MFSD11: variants seen among roughly 807,000 people sequenced by gnomAD.
MFSD11 encodes major facilitator superfamily domain containing 11.
In MFSD11, 36 loss-of-function variants were observed where a neutral mutation model predicts 53.5. That is an observed-to-expected ratio of 0.67 (90% CI 0.52 to 0.89). The LOEUF (loss-of-function observed/expected upper bound fraction) is 0.89. Ranked by LOEUF, MFSD11 falls within the 40% of genes least tolerant of loss-of-function variation. The pLI is 0.00. For missense variants in MFSD11, 530 were observed against 543.9 expected (o/e 0.97, Z 0.25); for synonymous variants, 186 against 184.9 (o/e 1.01, Z -0.05).
chr17:76,739,745 T>C (rs188061146), intron 2 of MFSD11, among the ~76,000 whole-genome samples: 1 of 152,300 alleles, frequency 6.6e-6, no homozygotes, highest in African/African-American at 2.4e-5. Flanking sequence ...CCATAACTCA[T>C]ACTTGGTTCT....
chr17:76,792,659 C>T, the MFSD11 span, among the ~76,000 whole-genome samples: 25 of 151,332 alleles, frequency 1.7e-4, no homozygotes, highest in East Asian at 1.9e-4. Flanking sequence ...TCCATGGTAA[C>T]GGGGAATTGA....
intron 11 of MFSD11, among the ~76,000 whole-genome samples, chr17:76,775,641 C>G (rs916571116): frequency 2.6e-5 from 4 of 152,142 alleles, no homozygotes; most frequent in Non-Finnish European, 5.9e-5. Context: ...CTCCACAAAT[C>G]CAAGGGGAGC....
chr17:76,748,651 A>C (rs1455383583), intron 7 of MFSD11, among the ~76,000 whole-genome samples: 2 of 151,580 alleles, frequency 1.3e-5, no homozygotes, highest in Non-Finnish European at 2.9e-5. Context: ...ACGCCGCTGC[A>C]CTCCAGCATG....
At chr17:76,799,600 C>T in the MFSD11 span, 1 of 152,270 alleles carries the variant, frequency 6.6e-6, no homozygotes, top group African/African-American at 2.4e-5. Flanking sequence ...ACTGGGTTTC[C>T]TGACCTCAAG....
At position 76,738,389 on chromosome 17, in the gene MFSD11, A is replaced by G; in HGVS notation, c.37A>G (p.Ile13Val). 2 of 1,614,168 alleles carry G rather than the reference A, an allele frequency of 1.2e-6. No homozygotes were observed. Among genetic ancestry groups the G allele is most frequent in the Non-Finnish European group, 1.7e-6 (2 of 1,180,030 alleles). ...PESKKLFNIIILGVAFMFMFT... is the reference protein window; with the variant it reads ...PESKKLFNIIVLGVAFMFMFT... The stretch of plus-strand genomic sequence containing the variant: ...ATCTAAAAAGCTTTTCAACATCATT[A>G]TTTTAGGAGTTGCCTTTATGTTTAT... Residue 13 changes from isoleucine to valine, a missense_variant, in exon 1 of 13, where the codon ATT becomes GTT. Physicochemically the swap from Ile to Val is conservative, Grantham distance 29. Coordinates refer to ENST00000685175, the MANE Select transcript of MFSD11 (RefSeq NM_001242532.5).
At chr17:76,788,546 A>G in the MFSD11 span, among the ~76,000 whole-genome samples, 1 of 148,898 alleles carries the variant, frequency 6.7e-6, no homozygotes, top group Non-Finnish European at 1.5e-5. Context: ...TTGTATTTTT[A>G]GTAGAGACGG....
In MFSD11 at chr17:76,765,452, CTTTTTTTTTTTTTTTTT is replaced by C. The variant is rs59878271; in HGVS notation, c.683-1922_683-1906del. 2.1e-3 allele frequency among the ~76,000 whole-genome samples: 188 copies of C among 91,500 alleles called. No homozygotes were observed. The South Asian group carries it at 0.043, about 21-fold the overall frequency. 60.0% of individuals were successfully genotyped at this position (91,500 alleles called of 152,430 possible). On this transcript the variant is annotated intron_variant, in intron 8 of 12. Coordinates refer to ENST00000685175, the MANE Select transcript of MFSD11 (RefSeq NM_001242532.5). ...GGCTATTGTGGGTCCCTTGAATTTCCTTTTTTTTTTTTTTTTTTTTTTTTTTTTGAGACAGGGTGTTG... is the reference window on the plus strand; with the variant it reads ...GGCTATTGTGGGTCCCTTGAATTTCCTTTTTTTTTTTGAGACAGGGTGTTG...
chr17:76,742,282 C>T lies in MFSD11; in HGVS notation c.437+9C>T, dbSNP rs1225684231. 1 of 1,603,740 alleles carries T rather than the reference C, an allele frequency of 6.2e-7. No homozygotes were observed. Among genetic ancestry groups the T allele is most frequent in the African/African-American group, 1.3e-5 (1 of 74,664 alleles). Reference sequence around the variant, plus strand: ...GCACTTCTGCAGTCTAGGTAATTATCCTTTTGAGGTTCAGTCTTTCCTTTT... The same window carrying T: ...GCACTTCTGCAGTCTAGGTAATTATTCTTTTGAGGTTCAGTCTTTCCTTTT... On this transcript the variant is annotated intron_variant, in intron 5 of 12. Transcript: ENST00000685175.
chr17:76,747,990 A>AT (rs1451640056), intron 7 of MFSD11: 1 of 151,806 alleles, frequency 6.6e-6, no homozygotes, highest in Non-Finnish European at 1.5e-5. Context: ...AACAAGACAG[A>AT]TAAGTCCTTG....
intron 10 of MFSD11, among the ~76,000 whole-genome samples, chr17:76,774,173 G>A (rs573075229): frequency 2.6e-4 from 40 of 152,042 alleles, no homozygotes; most frequent in Middle Eastern, 3.4e-3. Flanking sequence ...TGATCTGCCC[G>A]CCTTGGCCTC....
At chr17:76,736,978 G>A (rs200354490), upstream of MFSD11, 466 of 1,613,558 alleles carry the variant, frequency 2.9e-4, 1 homozygote, top group East Asian at 9.2e-3. Flanking sequence ...TGTCGTGAAA[G>A]CGAACGAAGG....
At chr17:76,789,158 A>G in the MFSD11 span, among the ~76,000 whole-genome samples, 1 of 150,034 alleles carries the variant, frequency 6.7e-6, no homozygotes, top group Admixed American at 6.6e-5. Context: ...ATAAAAAATA[A>G]AAAAGTTTTA....
At chr17:76,762,145 A>C (rs1013439277) in intron 8 of MFSD11, among the ~76,000 whole-genome samples, 8 of 152,008 alleles carry the variant, frequency 5.3e-5, no homozygotes, top group African/African-American at 1.9e-4. Flanking sequence ...CTACTATTGC[A>C]CCCATTCCTC....
At chr17:76,754,152 CT>C in intron 8 of MFSD11, 65 bp downstream of exon 8, 1 of 1,378,918 alleles carries the variant, frequency 7.3e-7, no homozygotes, top group Non-Finnish European at 1.0e-6. Flanking sequence ...TGCCTTTCCC[CT>C]ATTCCCTGGT....
the MFSD11 span, among the ~76,000 whole-genome samples, chr17:76,790,737 C>T: frequency 5.1e-3 from 746 of 146,402 alleles, 52 homozygotes; most frequent in Non-Finnish European, 4.9e-3. Context: ...GTCAAGAGGT[C>T]GAAACCATCC....
rs9914076 is a variant in MFSD11, at chr17:76,744,318, G to T, written c.497-4G>T. The T allele has an allele frequency of 2.6e-5, 41 of 1,607,162 alleles. No individual in the cohort carries two copies. Among genetic ancestry groups the T allele is most frequent in the Admixed American group, 5.1e-5 (3 of 58,256 alleles). On this transcript the variant is annotated splice_region_variant and splice_polypyrimidine_tract_variant and intron_variant, in intron 6 of 12. Transcript: ENST00000685175. Reference sequence around the variant, plus strand: ...CTATCTTGTTTCTTCTTTTTTCTCCGTAGAGAGTGACCGAAGAACAGTGTT... The same window carrying T: ...CTATCTTGTTTCTTCTTTTTTCTCCTTAGAGAGTGACCGAAGAACAGTGTT...
At chr17:76,780,985 A>T (rs2082151208), downstream of MFSD11, 2 of 152,200 alleles carry the variant, frequency 1.3e-5, no homozygotes. Context: ...AATGTGCCAT[A>T]ACAAATTACC....
chr17:76,774,872 G>A, intron 10 of MFSD11, 125 bp from the exon 11 acceptor site: 1 of 914,728 alleles, frequency 1.1e-6, no homozygotes, highest in African/African-American at 1.7e-5. Flanking sequence ...GTGCTGAGGT[G>A]TTGGGTTTTT....
At chr17:76,742,094 T>C in intron 4 of MFSD11, 46 bp downstream of exon 4, 1 of 1,613,756 alleles carries the variant, frequency 6.2e-7, no homozygotes, top group Non-Finnish European at 8.5e-7. Context: ...TTCTGGGGCC[T>C]ATCTAAGGGT....
Sources: allele counts gnomAD v4.1 joint callset (sites outside exome capture counted in the v4.1 genomes callset), GRCh38; gene constraint gnomAD v4.1.1; transcripts MANE v1.5; gene names NCBI Gene and HGNC (gene_info 2026-07-23, HGNC 2026-07-21).